RFT1: variants seen among roughly 807,000 people sequenced by gnomAD.
The protein encoded by RFT1 is RFT1 glycolipid translocator homolog, also known as man(5)GlcNAc(2)-PP-dolichol translocation protein RFT1.
A neutral mutation model predicts 62.2 loss-of-function variants in RFT1; 43 were observed. The observed-to-expected ratio is 0.69, with a 90% CI of 0.54 to 0.89. The LOEUF is 0.89. Ranked by LOEUF, RFT1 falls within the 40% of genes least tolerant of loss-of-function variation. The probability of loss-of-function intolerance (pLI) is 0.00; values close to 1 mark genes in which losing one functional copy is unlikely to be tolerated. For synonymous variants in RFT1, 262 were observed against 264.6 expected, an observed-to-expected ratio of 0.99 and a Z score of 0.10; for missense variants, 605 against 649.9, an observed-to-expected ratio of 0.93 and a Z score of 0.75.
At chr3:53,110,283 T>C (rs997150294) in intron 7 of RFT1, among the ~76,000 whole-genome samples, 2 of 152,204 alleles carry the variant, frequency 1.3e-5, no homozygotes, top group Admixed American at 1.3e-4. Context: ...TGAACTATCA[T>C]CATACACATT....
At chr3:53,123,489 C>A (rs531770492) in intron 3 of RFT1, among the ~76,000 whole-genome samples, 1 of 152,190 alleles carries the variant, frequency 6.6e-6, no homozygotes, top group African/African-American at 2.4e-5. Context: ...GAAACCTGGC[C>A]CAGAAACCCC....
rs546319353 is a variant in RFT1 at position 53,119,057 on chromosome 3, T to A, written c.696+827A>T. Among the ~76,000 whole-genome samples, 11 of 151,896 alleles carry A rather than the reference T, an allele frequency of 7.2e-5. No homozygotes were observed. The East Asian group carries it at 7.7e-4, about 11-fold the overall frequency. Reference sequence around the variant, plus strand: ...GAGACCCTGTCTCTACAAAAAAAAATTTTTTAATTAGCTGGGCATGGTGGC... The same window carrying A: ...GAGACCCTGTCTCTACAAAAAAAAAATTTTTAATTAGCTGGGCATGGTGGC... On this transcript the variant is annotated intron_variant, in intron 6 of 12. Coordinates refer to ENST00000296292, the MANE Select transcript of RFT1 (RefSeq NM_052859.4).
intron 1 of RFT1, among the ~76,000 whole-genome samples, chr3:53,129,522 T>C (rs1702199672): frequency 1.3e-5 from 2 of 152,034 alleles, no homozygotes; most frequent in African/African-American, 2.4e-5. Flanking sequence ...TCGGGACTTG[T>C]GTGAAGTAGG....
chr3:53,091,767 T>C lies in RFT1; in HGVS notation c.*136A>G, dbSNP rs1700994251. 4.4e-6 allele frequency: 4 copies of C among 908,390 alleles called. No individual in the cohort carries two copies. The Admixed American group carries it at 5.9e-5, about 13-fold the overall frequency. 56.3% of individuals were successfully genotyped at this position (908,390 alleles called of 1,614,324 possible). On this transcript the variant is annotated 3_prime_UTR_variant, in exon 13 of 13. Coordinates refer to ENST00000296292, the MANE Select transcript of RFT1 (RefSeq NM_052859.4). ...TCACAGGTGTCTCATGCAGTGGCAC[T>C]CTCTGGTGCCTCATCTCTGGGGTTG...
chr3:53,085,568 C>T (rs116440429), downstream of RFT1, among the ~76,000 whole-genome samples: 1,928 of 152,304 alleles, frequency 0.013, 11 homozygotes, highest in Middle Eastern at 0.027. Flanking sequence ...ACTCTTGTGT[C>T]CTTATCCTTA....
chr3:53,103,717 A>T, intron 10 of RFT1: 2 of 548,780 alleles, frequency 3.6e-6, no homozygotes, highest in South Asian at 4.0e-5. Context: ...AGAAGTCCTA[A>T]TAACTTCTCC....
intron 1 of RFT1, among the ~76,000 whole-genome samples, chr3:53,129,386 G>A (rs865789282): frequency 1.3e-5 from 2 of 152,184 alleles, no homozygotes; most frequent in Admixed American, 1.3e-4. Flanking sequence ...AACTGATACA[G>A]AAGTCATCGG....
At chr3:53,125,491 G>A (rs1360744783) in intron 2 of RFT1, among the ~76,000 whole-genome samples, 1 of 150,844 alleles carries the variant, frequency 6.6e-6, no homozygotes, top group Non-Finnish European at 1.5e-5. Context: ...GAGGAGGGAA[G>A]GAAGGTGGCT....
chr3:53,068,932 C>T, the RFT1 span, among the ~76,000 whole-genome samples: 1,137 of 152,174 alleles, frequency 7.5e-3, 13 homozygotes, highest in African/African-American at 0.026. Context: ...TGTTCGGTGA[C>T]ATTTTGTTGT....
At chr3:53,087,657 C>A (rs1302479914), downstream of RFT1, among the ~76,000 whole-genome samples, 3 of 151,986 alleles carry the variant, frequency 2.0e-5, no homozygotes, top group Non-Finnish European at 4.4e-5. Context: ...CGTATAGGAA[C>A]TACAGGTGCG....
intron 11 of RFT1, among the ~76,000 whole-genome samples, chr3:53,097,409 C>G (rs1316494132): frequency 6.6e-6 from 1 of 152,182 alleles, no homozygotes; most frequent in Non-Finnish European, 1.5e-5. Flanking sequence ...GGTGAGTTAC[C>G]CCACATGGGA....
intron 6 of RFT1, among the ~76,000 whole-genome samples, chr3:53,113,174 C>T (rs1701699505): frequency 6.6e-6 from 1 of 152,100 alleles, no homozygotes; most frequent in African/African-American, 2.4e-5. Flanking sequence ...TGCCACCATG[C>T]CTGGCTCATT....
chr3:53,115,700 T>C (rs952831629), intron 6 of RFT1, among the ~76,000 whole-genome samples: 2 of 152,340 alleles, frequency 1.3e-5, no homozygotes, highest in African/African-American at 2.4e-5. Context: ...ACCACACATA[T>C]ACATTTAACC....
At chr3:53,073,067 G>C in the RFT1 span, among the ~76,000 whole-genome samples, 1 of 152,232 alleles carries the variant, frequency 6.6e-6, no homozygotes, top group Non-Finnish European at 1.5e-5. Flanking sequence ...CCCCCAGCCC[G>C]TGGGGCTGGG....
At chr3:53,123,966 C>A in intron 2 of RFT1, 126 bp from the exon 3 acceptor site, 1 of 753,534 alleles carries the variant, frequency 1.3e-6, no homozygotes, top group South Asian at 1.5e-5. Flanking sequence ...ATGTGGAAGG[C>A]AGTGGGCTCT....
chr3:53,104,222 C>T, intron 9 of RFT1, 125 bp from the exon 10 acceptor site: 2 of 974,160 alleles, frequency 2.1e-6, no homozygotes, highest in Non-Finnish European at 3.1e-6. Context: ...TGATGGATAT[C>T]ACTATTTTTT....
At position 53,130,367 on chromosome 3, in the gene RFT1, G is replaced by C. The variant is rs748244290; in HGVS notation, c.34C>G (p.Arg12Gly). ...GSQEVLGHAA[R>G]LASSGLLLQV... ...AGGAGGAGACCGGAGGAGGCCAGCC[G>C]GGCCGCGTGGCCCAGCACCTCCTGG... Residue 12 changes from arginine to glycine, a missense_variant, in exon 1 of 13, where the codon CGG becomes GGG. Arg to Gly is a moderately radical substitution (Grantham distance 125). Transcript: ENST00000296292. 5.1e-6 allele frequency: 8 copies of C among 1,565,974 alleles called. No individual in the cohort carries two copies. The highest frequency in any genetic ancestry group is 5.2e-6 in the Non-Finnish European group (6 of 1,155,724).
chr3:53,105,468 G>C (rs1292299701), intron 9 of RFT1, among the ~76,000 whole-genome samples: 1 of 149,506 alleles, frequency 6.7e-6, no homozygotes, highest in African/African-American at 2.5e-5. Flanking sequence ...GTGTGAGAAG[G>C]AAGGGACAGC....
At chr3:53,102,335 C>T (rs1325036329) in intron 10 of RFT1, among the ~76,000 whole-genome samples, 3 of 152,170 alleles carry the variant, frequency 2.0e-5, no homozygotes, top group Admixed American at 6.5e-5. Flanking sequence ...TTTAAAGCCA[C>T]GCAGTCTGTG....
Sources: gnomAD v4.1 joint callset for allele counts (sites outside exome capture counted in the v4.1 genomes callset) on GRCh38, gnomAD v4.1.1 for gene constraint, MANE v1.5 for transcripts, NCBI Gene and HGNC (gene_info 2026-07-23, HGNC 2026-07-21) for gene names.